HCRTR2: variants seen among roughly 807,000 people sequenced by gnomAD.
The protein encoded by HCRTR2 is orexin receptor type 2.
In HCRTR2, 22 loss-of-function variants were observed where a neutral mutation model predicts 49.0. That is an observed-to-expected ratio of 0.45 (90% CI 0.32 to 0.64). HCRTR2 has a LOEUF of 0.64. Among genes scored for constraint, HCRTR2 ranks in the 30% least tolerant of loss-of-function variants. The pLI, the probability that HCRTR2 is intolerant of heterozygous loss-of-function variation, is 0.04. For missense variants in HCRTR2, 491 were observed against 559.4 expected (o/e 0.88, Z 1.23); for synonymous variants, 236 against 205.3 (o/e 1.15, Z -1.28).
At chr6:55,197,912 C>T (rs532603597) in intron 1 of HCRTR2, among the ~76,000 whole-genome samples, 7 of 152,262 alleles carry the variant, frequency 4.6e-5, no homozygotes, top group Non-Finnish European at 8.8e-5. Context: ...TGAGCCACCA[C>T]GCCCAGCCGA....
chr6:55,276,780 A>C (rs1767083940), intron 4 of HCRTR2, among the ~76,000 whole-genome samples: 1 of 152,254 alleles, frequency 6.6e-6, no homozygotes, highest in Non-Finnish European at 1.5e-5. Flanking sequence ...GCTGGACCAC[A>C]AAACTGATTT....
At chr6:55,170,572 C>CTTAT (rs961488770), upstream of HCRTR2, among the ~76,000 whole-genome samples, 34 of 150,624 alleles carry the variant, frequency 2.3e-4, no homozygotes, top group African/African-American at 6.4e-4. Context: ...CACATGTTTA[C>CTTAT]TTATTTATTT....
chr6:55,120,651 A>G (rs1264944484), intron 1 of HCRTR2, among the ~76,000 whole-genome samples: 691 of 143,520 alleles, frequency 4.8e-3, no homozygotes, highest in African/African-American at 0.019. Context: ...GGAGATTTGG[A>G]GCTGAGATGA....
At chr6:55,160,304 C>A (rs1280910518) in intron 1 of HCRTR2, among the ~76,000 whole-genome samples, 2 of 152,132 alleles carry the variant, frequency 1.3e-5, no homozygotes, top group African/African-American at 2.4e-5. Flanking sequence ...TTTGTCACCA[C>A]CAGGCCTGCC....
chr6:55,127,975 T>A (rs1328473561), intron 1 of HCRTR2, among the ~76,000 whole-genome samples: 1 of 152,238 alleles, frequency 6.6e-6, no homozygotes, highest in African/African-American at 2.4e-5. Context: ...GTTTTTGGCA[T>A]CTTTGTCATG....
At chr6:55,170,572 CTTAT>C (rs961488770), upstream of HCRTR2, among the ~76,000 whole-genome samples, 53 of 150,720 alleles carry the variant, frequency 3.5e-4, no homozygotes, top group Middle Eastern at 3.5e-3. Context: ...CACATGTTTA[CTTAT>C]TTATTTATTT....
chr6:55,196,862 A>C (rs1379015904), intron 1 of HCRTR2, among the ~76,000 whole-genome samples: 1 of 152,130 alleles, frequency 6.6e-6, no homozygotes, highest in African/African-American at 2.4e-5. Context: ...TGATGTATGC[A>C]CTGTAGCATG....
chr6:55,138,013 AG>A (rs1764455373), intron 1 of HCRTR2, among the ~76,000 whole-genome samples: 1 of 152,198 alleles, frequency 6.6e-6, no homozygotes. Flanking sequence ...ACTTGCATAC[AG>A]GAAGGGAGAA....
upstream of HCRTR2, among the ~76,000 whole-genome samples, chr6:55,171,620 T>C (rs1764950712): frequency 6.6e-6 from 1 of 152,182 alleles, no homozygotes; most frequent in Non-Finnish European, 1.5e-5. Context: ...GTACCACATA[T>C]TTAGAAGAAA....
chr6:55,115,580 T>G (rs1362205513), intron 1 of HCRTR2, among the ~76,000 whole-genome samples: 1 of 151,548 alleles, frequency 6.6e-6, no homozygotes, highest in South Asian at 2.1e-4. Flanking sequence ...CCAGGAATAT[T>G]CTCTAAAATG....
chr6:55,233,144 A>C (rs1289629584), intron 1 of HCRTR2, among the ~76,000 whole-genome samples: 1 of 151,116 alleles, frequency 6.6e-6, no homozygotes, highest in African/African-American at 2.4e-5. Context: ...GCTGGAGTGC[A>C]ATGGTGCAAT....
chr6:55,200,777 T>G (rs1186739288), intron 1 of HCRTR2, among the ~76,000 whole-genome samples: 1 of 152,222 alleles, frequency 6.6e-6, no homozygotes, highest in African/African-American at 2.4e-5. Flanking sequence ...TTATTGTATA[T>G]TCTCTAAATC....
At chr6:55,144,313 T>C (rs1433736789) in intron 1 of HCRTR2, among the ~76,000 whole-genome samples, 1 of 151,896 alleles carries the variant, frequency 6.6e-6, no homozygotes, top group Non-Finnish European at 1.5e-5. Flanking sequence ...ACGGGGTTTC[T>C]CCACATTGGT....
intron 1 of HCRTR2, among the ~76,000 whole-genome samples, chr6:55,139,950 G>T (rs1053677176): frequency 3.3e-5 from 5 of 152,108 alleles, no homozygotes; most frequent in Non-Finnish European, 5.9e-5. Flanking sequence ...AGCTGTTGGG[G>T]TAGCTTTTAA....
chr6:55,187,682 C>CTTTTTTTTTTTT (rs5876430), intron 1 of HCRTR2, among the ~76,000 whole-genome samples: 3 of 102,240 alleles, frequency 2.9e-5, no homozygotes, highest in Non-Finnish European at 5.5e-5. Context: ...ATTATTTGAT[C>CTTTTTTTTTTTT]TTTTTTTTTT....
chr6:55,277,394 A>G lies in HCRTR2; in HGVS notation c.777A>G (p.Ser259=), dbSNP rs1767096760. ...TCTCCTTTCAGATCCCTGGAACATC[A>G]TCTGTAGTTCAGAGAAAATGGAAGC... ...KLWCRQIPGT[S]SVVQRKWKPL... The change falls in exon 5 of 7, where the codon TCA becomes TCG. Residue 259 remains serine, a synonymous_variant. Coordinates refer to ENST00000370862, the MANE Select transcript of HCRTR2 (RefSeq NM_001384272.1). 9.3e-6 allele frequency: 15 copies of G among 1,613,774 alleles called. No homozygotes were observed. Among genetic ancestry groups the G allele is most frequent in the Non-Finnish European group, 1.3e-5 (15 of 1,179,738 alleles).
chr6:55,268,229 T>C (rs1294412439), intron 4 of HCRTR2, among the ~76,000 whole-genome samples: 1 of 151,986 alleles, frequency 6.6e-6, no homozygotes, highest in South Asian at 2.1e-4. Context: ...ACAAAAGAAT[T>C]AAAATAGTAT....
chr6:55,151,589 C>T (rs1463416866), intron 1 of HCRTR2, among the ~76,000 whole-genome samples: 2 of 151,930 alleles, frequency 1.3e-5, no homozygotes, highest in African/African-American at 2.4e-5. Flanking sequence ...CCTTGAGCTT[C>T]TCAAAGTAAT....
intron 1 of HCRTR2, among the ~76,000 whole-genome samples, chr6:55,214,515 T>G (rs1278168592): frequency 6.6e-6 from 1 of 151,952 alleles, no homozygotes; most frequent in Admixed American, 6.6e-5. Context: ...TTTTTTTATT[T>G]TTTTTCGTAG....
Sources: allele counts gnomAD v4.1 joint callset (sites outside exome capture counted in the v4.1 genomes callset), GRCh38; gene constraint gnomAD v4.1.1; transcripts MANE v1.5; gene names NCBI Gene and HGNC (gene_info 2026-07-23, HGNC 2026-07-21).